CISD2: variants seen among roughly 807,000 people sequenced by gnomAD.
CISD2 encodes CDGSH iron sulfur domain 2.
Under a neutral mutation model 12.9 loss-of-function variants are expected in CISD2, and 1 was observed. The observed-to-expected ratio is 0.08, with a 90% confidence interval of 0.03 to 0.37. The LOEUF (loss-of-function observed/expected upper bound fraction) is 0.37. CISD2 is among the 10% of genes least tolerant of loss of function. The pLI is 0.99. For synonymous variants in CISD2, 50 were observed against 60.6 expected (o/e 0.83, Z 0.81); for missense variants, 97 against 163.1 (o/e 0.59, Z 2.21).
intron 1 of CISD2, among the ~76,000 whole-genome samples, chr4:102,879,035 G>A (rs1420942350): frequency 6.6e-6 from 1 of 152,168 alleles, no homozygotes; most frequent in Non-Finnish European, 1.5e-5. Context: ...CGAGGCAGGA[G>A]AGAAGAGTGA....
rs574935569 is a variant in CISD2, at chr4:102,887,678, T to C, written c.*248T>C. The C allele has an allele frequency of 9.8e-4, 313 of 320,530 alleles. 4 individuals are homozygous for C. The South Asian group carries it at 0.015, about 15-fold the overall frequency. The allele number at this position is 320,530 out of a possible 1,614,324, so 19.9% of individuals were successfully genotyped here. ...CTTCTGATTTTAATCTAGGAAAACC[T>C]AAATTGTGGCTATGGATCCAAAGCT... On this transcript the variant is annotated 3_prime_UTR_variant, in exon 3 of 3. Coordinates refer to ENST00000273986, the MANE Select transcript of CISD2 (RefSeq NM_001008388.5).
In CISD2 at chr4:102,869,576, C is replaced by T. The variant is rs902824829; in HGVS notation, c.103+389C>T. 1.7e-5 allele frequency: 12 copies of T among 697,984 alleles called. No individual in the cohort carries two copies. In the African/African-American group the frequency reaches 2.1e-4, roughly 12 times the overall value. 43.2% of individuals were successfully genotyped at this position (697,984 alleles called of 1,614,324 possible). ...GTTATCTAAGGCCTCATGTAACAGG[C>T]AGCCCCAGCTACCGGCTGGGTTGTA... On this transcript the variant is annotated intron_variant, in intron 1 of 2. Coordinates refer to ENST00000273986, the MANE Select transcript of CISD2 (RefSeq NM_001008388.5).
chr4:102,875,837 C>T (rs1465763059), intron 1 of CISD2, among the ~76,000 whole-genome samples: 2 of 152,156 alleles, frequency 1.3e-5, no homozygotes, highest in African/African-American at 4.8e-5. Context: ...TCGTTTCTCC[C>T]AGCAATCCTA....
In CISD2 at chr4:102,887,253, T is replaced by C. The variant is rs575645825; in HGVS notation, c.319-88T>C. ...ATCTGATTTTTTTTAGCAAGTGATA[T>C]GCTTTCTTTCTGAGAGCATTTCACA... On this transcript the variant is annotated intron_variant, in intron 2 of 2. Coordinates refer to ENST00000273986, the MANE Select transcript of CISD2 (RefSeq NM_001008388.5). 2,097 of 797,142 alleles carry C rather than the reference T, an allele frequency of 2.6e-3. 35 individuals are homozygous for C. The South Asian group carries it at 0.029, about 11-fold the overall frequency. 49.4% of individuals were successfully genotyped at this position (797,142 alleles called of 1,614,324 possible). A position where few individuals can be genotyped will look rare whatever the true frequency, so the allele number is the denominator to read the frequency against.
intron 1 of CISD2, among the ~76,000 whole-genome samples, chr4:102,872,814 T>C (rs1733491944): frequency 1.3e-5 from 2 of 152,222 alleles, no homozygotes; most frequent in African/African-American, 4.8e-5. Flanking sequence ...ATTTTGACAA[T>C]GTCTAAACTT....
chr4:102,889,522 A>T lies in CISD2; in HGVS notation c.*2092A>T, dbSNP rs961608693. On this transcript the variant is annotated 3_prime_UTR_variant, in exon 3 of 3. Transcript: ENST00000273986. Reference sequence around the variant, plus strand: ...AAATTTACTAAAAATGAGGAGACTAAAATGAATGACCAACTTTGAATTTTG... The same window carrying T: ...AAATTTACTAAAAATGAGGAGACTATAATGAATGACCAACTTTGAATTTTG... 6.6e-6 allele frequency: 1 copy of T among 152,264 alleles called. No individual in the cohort carries two copies. Among genetic ancestry groups the T allele is most frequent in the African/African-American group, 2.4e-5 (1 of 41,474 alleles). The allele number at this position is 152,264 out of a possible 1,614,324, so 9.4% of individuals were successfully genotyped here. A position where few individuals can be genotyped will look rare whatever the true frequency, so the allele number is the denominator to read the frequency against.
intron 1 of CISD2, among the ~76,000 whole-genome samples, chr4:102,880,133 G>A (rs1372219639): frequency 1.3e-5 from 2 of 151,808 alleles, no homozygotes; most frequent in African/African-American, 4.8e-5. Flanking sequence ...TAGTAGAGTT[G>A]GGATTTCACC....
At chr4:102,887,065 T>G (rs1382855627) in intron 2 of CISD2, among the ~76,000 whole-genome samples, 1 of 152,222 alleles carries the variant, frequency 6.6e-6, no homozygotes, top group Non-Finnish European at 1.5e-5. Context: ...CAAGAACTTA[T>G]TCGATTCCCT....
chr4:102,887,301 T>G (rs201682974), intron 2 of CISD2, 40 bp from the exon 3 acceptor site: 7 of 724,866 alleles, frequency 9.7e-6, no homozygotes, highest in Non-Finnish European at 1.5e-5. Flanking sequence ...TAATGAATCA[T>G]ATTTTAAAAA....
At chr4:102,871,799 C>T (rs1047432226) in intron 1 of CISD2, among the ~76,000 whole-genome samples, 5 of 152,126 alleles carry the variant, frequency 3.3e-5, no homozygotes, top group African/African-American at 1.2e-4. Flanking sequence ...CCATTTTCTT[C>T]TATGAAAATT....
rs1734240240 is a variant in CISD2 at position 102,891,349 on chromosome 4, A to G, written c.*3919A>G. 1 of 152,336 alleles carries G rather than the reference A, an allele frequency of 6.6e-6. No individual in the cohort carries two copies. The highest frequency in any genetic ancestry group is 2.1e-4 in the South Asian group (1 of 4,824). The allele number at this position is 152,336 out of a possible 1,614,324, so 9.4% of individuals were successfully genotyped here. A position where few individuals can be genotyped will look rare whatever the true frequency, so the allele number is the denominator to read the frequency against. ...CAGAAGGGGTGAACTACAAAATGTGACAGCTGACAGCAAGTCAGGGGAACA... is the reference window on the plus strand; with the variant it reads ...CAGAAGGGGTGAACTACAAAATGTGGCAGCTGACAGCAAGTCAGGGGAACA... On this transcript the variant is annotated 3_prime_UTR_variant, in exon 3 of 3. Coordinates refer to ENST00000273986, the MANE Select transcript of CISD2 (RefSeq NM_001008388.5).
rs1734079120 is a variant in CISD2 at position 102,888,876 on chromosome 4, A to C, written c.*1446A>C. 1.3e-5 allele frequency: 2 copies of C among 152,264 alleles called. No homozygotes were observed. Among genetic ancestry groups the C allele is most frequent in the South Asian group, 4.1e-4 (2 of 4,836 alleles). The allele number at this position is 152,264 out of a possible 1,614,324, so 9.4% of individuals were successfully genotyped here. On this transcript the variant is annotated 3_prime_UTR_variant, in exon 3 of 3. Coordinates refer to ENST00000273986, the MANE Select transcript of CISD2 (RefSeq NM_001008388.5). ...TTGCTAGGCACTCTGGAAACTGCTT[A>C]GTTGAGAAAAGACAAATACAAAAGC... is the stretch of plus-strand genomic sequence containing the variant.
rs763904771 is a variant in CISD2 at position 102,885,232 on chromosome 4, G to A, written c.120G>A (p.Arg40=). Residue 40 remains arginine (R), a synonymous_variant, in exon 2 of 3, where the codon CGG becomes CGA. Coordinates refer to ENST00000273986, the MANE Select transcript of CISD2 (RefSeq NM_001008388.5). ...FARLTVSEWL[R]LLPFLGVLAL... is the part of the protein sequence containing the mutation. ...CATGTTTAGTTTCAGAATGGCTTCG[G>A]TTATTGCCTTTCCTTGGTGTACTCG... 1 of 1,614,066 alleles carries A rather than the reference G, an allele frequency of 6.2e-7. No homozygotes were observed. Among genetic ancestry groups the A allele is most frequent in the Middle Eastern group, 1.7e-4 (1 of 6,060 alleles).
chr4:102,869,275 G>A, intron 1 of CISD2, 88 bp downstream of exon 1: 1 of 1,510,166 alleles, frequency 6.6e-7, no homozygotes, highest in Non-Finnish European at 9.0e-7. Context: ...CAAGGGGCGG[G>A]ACGGAGCTCG....
intron 1 of CISD2, among the ~76,000 whole-genome samples, chr4:102,881,604 G>C (rs1346694490): frequency 6.6e-6 from 1 of 152,154 alleles, no homozygotes; most frequent in Admixed American, 6.5e-5. Context: ...TGTACTTACA[G>C]TCATTTGAAT....
At chr4:102,885,059 C>G (rs1733834998) in intron 1 of CISD2, 157 bp from the exon 2 acceptor site, 1 of 650,836 alleles carries the variant, frequency 1.5e-6, no homozygotes, top group South Asian at 1.7e-5. Context: ...TTTGGTAGAG[C>G]TGGCTTTATT....
At chr4:102,883,833 A>G (rs564969616) in intron 1 of CISD2, among the ~76,000 whole-genome samples, 8 of 152,332 alleles carry the variant, frequency 5.3e-5, no homozygotes, top group African/African-American at 1.7e-4. Context: ...ATTTGGCAAA[A>G]TATTTTTTTC....
At chr4:102,875,947 TTC>T (rs1272008356) in intron 1 of CISD2, among the ~76,000 whole-genome samples, 1 of 152,210 alleles carries the variant, frequency 6.6e-6, no homozygotes, top group Non-Finnish European at 1.5e-5. Context: ...TGCTTAAAGG[TTC>T]TTTTTTCAGA....
intron 2 of CISD2, among the ~76,000 whole-genome samples, chr4:102,886,506 AAG>A (rs1427873276): frequency 3.1e-4 from 47 of 152,288 alleles, no homozygotes; most frequent in Middle Eastern, 3.4e-3. Flanking sequence ...AAAGAAAAAA[AAG>A]AATACACACA....
Sources: allele counts gnomAD v4.1 joint callset (sites outside exome capture counted in the v4.1 genomes callset), GRCh38; gene constraint gnomAD v4.1.1; transcripts MANE v1.5; gene names NCBI Gene and HGNC (gene_info 2026-07-23, HGNC 2026-07-21).